SDC2: variants seen among roughly 807,000 people sequenced by gnomAD.
SDC2 encodes the protein syndecan-2.
SDC2 carries 13 observed loss-of-function variants against 22.2 expected under a neutral mutation model. The observed-to-expected ratio is 0.59, with a 90% CI of 0.38 to 0.93. SDC2 has a LOEUF of 0.93. SDC2 is among the 40% of genes least tolerant of loss of function. SDC2 has a pLI of 0.00. For synonymous variants in SDC2, 94 were observed against 92.8 expected (o/e 1.01, Z -0.07); for missense variants, 235 against 246.8 (o/e 0.95, Z 0.32).
chr8:96,597,823 T>C (rs570065187), intron 2 of SDC2, among the ~76,000 whole-genome samples: 1 of 152,354 alleles, frequency 6.6e-6, no homozygotes, highest in East Asian at 1.9e-4. Flanking sequence ...GGCACCATTC[T>C]AGGTTCTAGG....
rs112430247 is a variant in SDC2, at chr8:96,517,631, T to C, written c.60+23300T>C. 2.5e-3 allele frequency among the ~76,000 whole-genome samples: 385 copies of C among 152,352 alleles called. 4 individuals are homozygous for C. The highest frequency in any genetic ancestry group is 8.7e-3 in the African/African-American group (360 of 41,578). On this transcript the variant is annotated intron_variant, in intron 1 of 4. Transcript: ENST00000302190. ...ATTCTTGGCACACTTGTTGAAAATA[T>C]ATTGACCATAAATGTAGGGGTTTAT... is the stretch of plus-strand genomic sequence containing the variant.
intron 3 of SDC2, among the ~76,000 whole-genome samples, chr8:96,606,580 GGCAGT>G (rs779303253): frequency 1.3e-5 from 2 of 152,184 alleles, no homozygotes; most frequent in Non-Finnish European, 2.9e-5. Context: ...GGAGAACTGG[GGCAGT>G]GCTGTTGGGT....
At chr8:96,508,430 T>TA (rs1813280228) in intron 1 of SDC2, among the ~76,000 whole-genome samples, 1 of 151,162 alleles carries the variant, frequency 6.6e-6, no homozygotes, top group Non-Finnish European at 1.5e-5. Flanking sequence ...GAGGCGGAGG[T>TA]CGCAGTGAGC....
At chr8:96,510,647 A>T (rs1813313448) in intron 1 of SDC2, among the ~76,000 whole-genome samples, 1 of 152,312 alleles carries the variant, frequency 6.6e-6, no homozygotes, top group Middle Eastern at 3.4e-3. Flanking sequence ...GCCACTCAAC[A>T]TGTATCTGTC....
chr8:96,534,150 G>C (rs1813713652), intron 1 of SDC2, among the ~76,000 whole-genome samples: 1 of 152,214 alleles, frequency 6.6e-6, no homozygotes, highest in South Asian at 2.1e-4. Context: ...ACTCTGACCT[G>C]CAAGCGCCGT....
chr8:96,519,204 C>T (rs1813456053), intron 1 of SDC2, among the ~76,000 whole-genome samples: 1 of 152,112 alleles, frequency 6.6e-6, no homozygotes, highest in Non-Finnish European at 1.5e-5. Flanking sequence ...CCAGAGTGCC[C>T]AGAGTGCAGT....
intron 1 of SDC2, among the ~76,000 whole-genome samples, chr8:96,556,704 A>G (rs1266677261): frequency 6.6e-6 from 1 of 152,212 alleles, no homozygotes. Context: ...CATTGAGGAC[A>G]TAGGCATGGG....
intron 1 of SDC2, among the ~76,000 whole-genome samples, chr8:96,540,795 A>G (rs1191898332): frequency 6.6e-6 from 1 of 152,228 alleles, no homozygotes; most frequent in East Asian, 1.9e-4. Context: ...TTGAAAGTGA[A>G]GTATTAAAAT....
intron 1 of SDC2, among the ~76,000 whole-genome samples, chr8:96,500,152 C>T (rs1464761705): frequency 6.6e-6 from 1 of 152,160 alleles, no homozygotes; most frequent in Admixed American, 6.5e-5. Flanking sequence ...ATAAAGAAGA[C>T]ATTGATGTAA....
At chr8:96,600,461 G>A (rs1180430417) in intron 2 of SDC2, among the ~76,000 whole-genome samples, 1 of 152,146 alleles carries the variant, frequency 6.6e-6, no homozygotes, top group African/African-American at 2.4e-5. Context: ...TCATGCTCAG[G>A]TAGAAAGTCA....
chr8:96,605,495 A>G (rs907053614), intron 3 of SDC2, among the ~76,000 whole-genome samples: 3 of 152,170 alleles, frequency 2.0e-5, no homozygotes, highest in Non-Finnish European at 4.4e-5. Context: ...AAATACTGCC[A>G]ATGAGCTGCT....
At chr8:96,575,465 T>C (rs1814472619) in intron 1 of SDC2, among the ~76,000 whole-genome samples, 1 of 152,194 alleles carries the variant, frequency 6.6e-6, no homozygotes, top group African/African-American at 2.4e-5. Context: ...CACTGAAGTA[T>C]AACACAATCA....
intron 1 of SDC2, among the ~76,000 whole-genome samples, chr8:96,508,360 G>A (rs557719290): frequency 2.1e-4 from 31 of 149,126 alleles, no homozygotes; most frequent in African/African-American, 6.4e-4. Context: ...GGGTGTGGTC[G>A]CGGGCACCTG....
chr8:96,538,981 G>A (rs1341413640), intron 1 of SDC2, among the ~76,000 whole-genome samples: 7 of 152,236 alleles, frequency 4.6e-5, no homozygotes, highest in Non-Finnish European at 7.3e-5. Context: ...GATTGAGTTA[G>A]ATTCATGACT....
chr8:96,520,307 G>A (rs142586061), intron 1 of SDC2, among the ~76,000 whole-genome samples: 60 of 152,292 alleles, frequency 3.9e-4, no homozygotes, highest in African/African-American at 1.3e-3. Flanking sequence ...GAGAAAGGTG[G>A]TGACTTTATG....
intron 1 of SDC2, among the ~76,000 whole-genome samples, chr8:96,540,172 G>C (rs775971927): frequency 1.1e-4 from 17 of 150,664 alleles, no homozygotes; most frequent in Non-Finnish European, 2.1e-4. Flanking sequence ...AAAAAAAAAA[G>C]CCCCCCCGCC....
At chr8:96,575,439 G>A (rs1410628923) in intron 1 of SDC2, among the ~76,000 whole-genome samples, 1 of 152,074 alleles carries the variant, frequency 6.6e-6, no homozygotes, top group Non-Finnish European at 1.5e-5. Flanking sequence ...CTTTATGTTT[G>A]TTTTAGTCAA....
intron 1 of SDC2, among the ~76,000 whole-genome samples, chr8:96,505,461 G>A (rs1435130076): frequency 1.3e-5 from 2 of 151,864 alleles, no homozygotes; most frequent in South Asian, 2.1e-4. Context: ...ACCACCACAC[G>A]CAGCTACTTT....
rs35452131 is a variant in SDC2 at position 96,532,412 on chromosome 8, G to GTTTTTTTTTTTTTTT, written c.60+38090_60+38104dup. Reference sequence around the variant, plus strand: ...CCTGAGTCTCTCTGCTTATTGAGGCGTTTTTTTTTTTTTTTTTTTTTTTGG... The same window carrying GTTTTTTTTTTTTTTT: ...CCTGAGTCTCTCTGCTTATTGAGGCGTTTTTTTTTTTTTTTTTTTTTTTTTTTTTTTTTTTTTTGG... On this transcript the variant is annotated intron_variant, in intron 1 of 4. Coordinates refer to ENST00000302190, the MANE Select transcript of SDC2 (RefSeq NM_002998.4). Among the ~76,000 whole-genome samples, 13 of 47,944 alleles carry GTTTTTTTTTTTTTTT rather than the reference G, an allele frequency of 2.7e-4. 2 individuals are homozygous for GTTTTTTTTTTTTTTT. The highest frequency in any genetic ancestry group is 1.3e-3 in the African/African-American group (12 of 9,556). The allele number at this position is 47,944 out of a possible 152,430, so 31.5% of individuals were successfully genotyped here.
Sources: gnomAD v4.1 joint callset for allele counts (sites outside exome capture counted in the v4.1 genomes callset) on GRCh38, gnomAD v4.1.1 for gene constraint, MANE v1.5 for transcripts, NCBI Gene and HGNC (gene_info 2026-07-23, HGNC 2026-07-21) for gene names.